SLC7A11: variants seen among roughly 807,000 people sequenced by gnomAD.
SLC7A11 encodes the protein solute carrier family 7 member 11.
In SLC7A11, 35 loss-of-function variants were observed where a neutral mutation model predicts 54.5. That is an observed-to-expected ratio of 0.64 (90% CI 0.49 to 0.85). The LOEUF (loss-of-function observed/expected upper bound fraction) is 0.85. Among genes scored for constraint, SLC7A11 ranks in the 40% least tolerant of loss-of-function variants. The pLI is 0.00. For missense variants in SLC7A11, 583 were observed against 618.1 expected, an observed-to-expected ratio of 0.94 and a Z score of 0.60; for synonymous variants, 230 against 225.2, an observed-to-expected ratio of 1.02 and a Z score of -0.19.
chr4:138,165,960 TAAGA>T lies in SLC7A11; in HGVS notation c.*5992_*5995del, dbSNP rs1736244958. The T allele has an allele frequency of 6.6e-6, 1 of 152,178 alleles. No homozygotes were observed. Among genetic ancestry groups the T allele is most frequent in the African/African-American group, 2.4e-5 (1 of 41,460 alleles). 9.4% of individuals were successfully genotyped at this position (152,178 alleles called of 1,614,324 possible). On this transcript the variant is annotated 3_prime_UTR_variant, in exon 12 of 12. Coordinates refer to ENST00000280612, the MANE Select transcript of SLC7A11 (RefSeq NM_014331.4). Reference sequence around the variant, plus strand: ...CATTGCTTTTCTTCTTTCAGAGCAATAAGAAAGTTATTTGGGGTAGTACTTGAAA... The same window carrying T: ...CATTGCTTTTCTTCTTTCAGAGCAATAAGTTATTTGGGGTAGTACTTGAAA...
intron 11 of SLC7A11, chr4:138,177,277 G>A (rs1260959845): frequency 6.6e-6 from 1 of 151,532 alleles, no homozygotes; most frequent in Non-Finnish European, 1.5e-5. Context: ...ACTTTTAACT[G>A]GAATTTAAAA....
In SLC7A11 at chr4:138,166,734, A is replaced by G. The variant is rs1028790134; in HGVS notation, c.*5222T>C. On this transcript the variant is annotated 3_prime_UTR_variant, in exon 12 of 12. Coordinates refer to ENST00000280612, the MANE Select transcript of SLC7A11 (RefSeq NM_014331.4). ...AAGTACGCTGAAACACACACATGTAACAGCTATTAGGACACTGTAACCGTC... is the reference window on the plus strand; with the variant it reads ...AAGTACGCTGAAACACACACATGTAGCAGCTATTAGGACACTGTAACCGTC... 11 of 152,450 alleles carry G rather than the reference A, an allele frequency of 7.2e-5. No homozygotes were observed. The highest frequency in any genetic ancestry group is 6.5e-4 in the Admixed American group (10 of 15,274). The allele number at this position is 152,450 out of a possible 1,614,324, so 9.4% of individuals were successfully genotyped here.
intron 6 of SLC7A11, among the ~76,000 whole-genome samples, chr4:138,199,504 T>C (rs948256091): frequency 3.9e-5 from 6 of 152,060 alleles, no homozygotes; most frequent in Non-Finnish European, 7.4e-5. Context: ...CATTTAAAAA[T>C]AGAATAAACA....
In SLC7A11 at chr4:138,170,530, G is replaced by A. The variant is rs1163114413; in HGVS notation, c.*1426C>T. 1.3e-5 allele frequency: 2 copies of A among 151,486 alleles called. No homozygotes were observed. The highest frequency in any genetic ancestry group is 4.9e-5 in the African/African-American group (2 of 41,180). 9.4% of individuals were successfully genotyped at this position (151,486 alleles called of 1,614,324 possible). On this transcript the variant is annotated 3_prime_UTR_variant, in exon 12 of 12. Coordinates refer to ENST00000280612, the MANE Select transcript of SLC7A11 (RefSeq NM_014331.4). ...GGGGTTTCTCCATGTTGGTCAGGCTGGTCTAGAACTCCCGACCTCAGGTGA... is the reference window on the plus strand; with the variant it reads ...GGGGTTTCTCCATGTTGGTCAGGCTAGTCTAGAACTCCCGACCTCAGGTGA...
chr4:138,241,961 T>C lies in SLC7A11; in HGVS notation c.109A>G (p.Lys37Glu), dbSNP rs766688436. The C allele has an allele frequency of 8.7e-6, 14 of 1,614,010 alleles. No homozygotes were observed. In the Admixed American group the frequency reaches 2.3e-4, roughly 27 times the overall value. Reference sequence around the variant, plus strand: ...GTGACTTTCCTCTTCAGCTGCACTTTCTCCTGCCCAGGTGGCTCCTTGTTG... The same window carrying C: ...GTGACTTTCCTCTTCAGCTGCACTTCCTCCTGCCCAGGTGGCTCCTTGTTG... The part of the protein sequence containing the change: ...LGNKEPPGQE[K>E]VQLKRKVTLL... Residue 37 changes from lysine (K) to glutamate (E), a missense_variant, in exon 1 of 12, where the codon AAA becomes GAA. Transcript: ENST00000280612.
At chr4:138,215,625 TATAA>T (rs1301321158) in intron 5 of SLC7A11, among the ~76,000 whole-genome samples, 2 of 152,164 alleles carry the variant, frequency 1.3e-5, no homozygotes, top group Non-Finnish European at 2.9e-5. Context: ...AATAAGTTTC[TATAA>T]ATAGAGATTG....
rs577927609 is a variant in SLC7A11 at position 138,195,147 on chromosome 4, T to C, written c.792-9903A>G. 2.0e-5 allele frequency among the ~76,000 whole-genome samples: 3 copies of C among 152,266 alleles called. No homozygotes were observed. In the East Asian group the frequency reaches 5.8e-4, roughly 29 times the overall value. ...GAAAAATAATGATCATTACAGAAGA[T>C]CATTTAAAGGATAAGTGATCTGTTC... On this transcript the variant is annotated intron_variant, in intron 6 of 11. Transcript: ENST00000280612.
At chr4:138,179,597 T>C (rs137992055) in intron 10 of SLC7A11, among the ~76,000 whole-genome samples, 302 of 152,296 alleles carry the variant, frequency 2.0e-3, no homozygotes, top group South Asian at 4.3e-3. Context: ...TTAAATGTAA[T>C]TCAACTTAAT....
chr4:138,189,445 G>C (rs1222053083), intron 6 of SLC7A11, among the ~76,000 whole-genome samples: 1 of 152,080 alleles, frequency 6.6e-6, no homozygotes, highest in Admixed American at 6.6e-5. Context: ...CGGGAGGGCT[G>C]GAACCAGAAC....
chr4:138,189,908 C>G (rs150250304), intron 6 of SLC7A11, among the ~76,000 whole-genome samples: 7 of 152,130 alleles, frequency 4.6e-5, no homozygotes, highest in African/African-American at 1.7e-4. Flanking sequence ...TTCTGACATT[C>G]AGCCCACATG....
chr4:138,232,558 G>A (rs531219642), intron 2 of SLC7A11, among the ~76,000 whole-genome samples, 176 bp from the exon 3 acceptor site: 1 of 152,302 alleles, frequency 6.6e-6, no homozygotes, highest in East Asian at 1.9e-4. Flanking sequence ...AGTACTTCCT[G>A]TAACACTGGT....
In SLC7A11 at chr4:138,225,171, T is replaced by TATATATATATATATAA. The variant is rs1491164718; in HGVS notation, c.521-1848_521-1847insTTATATATATATATAT. 1.1e-4 allele frequency among the ~76,000 whole-genome samples: 15 copies of TATATATATATATATAA among 131,476 alleles called. No homozygotes were observed. In the East Asian group the frequency reaches 3.2e-3, roughly 28 times the overall value. 86.3% of individuals were successfully genotyped at this position (131,476 alleles called of 152,430 possible). On this transcript the variant is annotated intron_variant, in intron 3 of 11. Coordinates refer to ENST00000280612, the MANE Select transcript of SLC7A11 (RefSeq NM_014331.4). ...ATATATATATATATATATATATATA[T>TATATATATATATATAA]AAATAAAATCATTACATTGTACACC...
Position 138,228,271 on chromosome 4 carries a change from A to G in SLC7A11, c.520+3996T>C, listed in dbSNP as rs1203222177. 2.0e-5 allele frequency among the ~76,000 whole-genome samples: 3 copies of G among 152,126 alleles called. No individual in the cohort carries two copies. In the East Asian group the frequency reaches 5.8e-4, roughly 29 times the overall value. On this transcript the variant is annotated intron_variant, in intron 3 of 11. Transcript: ENST00000280612. ...CATCCAACAATTGATGGTGTTAGGG[A>G]TGGATCTGGGACTAGATCTCGTATC...
chr4:138,180,867 A>T, intron 9 of SLC7A11, 77 bp from the exon 10 acceptor site: 1 of 1,263,078 alleles, frequency 7.9e-7, no homozygotes, highest in Non-Finnish European at 1.1e-6. Context: ...CTCACTATGC[A>T]TTACGACCTT....
chr4:138,240,234 G>A lies in SLC7A11; in HGVS notation c.277+1559C>T, dbSNP rs549397388. On this transcript the variant is annotated intron_variant, in intron 1 of 11. Transcript: ENST00000280612. Reference sequence around the variant, plus strand: ...CTCTATAAATCTTTCTATACTACTTGTTTTAACAAGTTCTATTTAAAATAA... The same window carrying A: ...CTCTATAAATCTTTCTATACTACTTATTTTAACAAGTTCTATTTAAAATAA... Among the ~76,000 whole-genome samples the A allele has an allele frequency of 1.5e-4, 23 of 152,136 alleles. No individual in the cohort carries two copies. The East Asian group carries it at 4.2e-3, about 28-fold the overall frequency.
chr4:138,223,284 G>T lies in SLC7A11; in HGVS notation c.561C>A (p.Ser187Arg). 1.2e-6 allele frequency: 2 copies of T among 1,613,522 alleles called. No homozygotes were observed. The highest frequency in any genetic ancestry group is 1.7e-6 in the Non-Finnish European group (2 of 1,179,520). ...MVLNSMSVSW[S>R]ARIQIFLTFC... is the part of the protein sequence containing the mutation. ...AGGTTAAGAAAATCTGGATCCGGGC[G>T]CTCCAGCTGACACTCATGCTATTTA... The change falls in exon 4 of 12, where the codon AGC becomes AGA. Residue 187 changes from serine to arginine, a missense_variant. Ser to Arg is a moderately radical substitution (Grantham distance 110). Transcript: ENST00000280612.
chr4:138,207,335 TTA>T (rs1737433649), intron 6 of SLC7A11, among the ~76,000 whole-genome samples: 1 of 152,048 alleles, frequency 6.6e-6, no homozygotes, highest in African/African-American at 2.4e-5. Context: ...AGTTACAATA[TTA>T]TATGTTATTT....
chr4:138,219,546 G>T (rs1017289801), intron 4 of SLC7A11, among the ~76,000 whole-genome samples, 181 bp from the exon 5 acceptor site: 3 of 152,056 alleles, frequency 2.0e-5, no homozygotes, highest in Admixed American at 1.3e-4. Flanking sequence ...AAAGTATATT[G>T]ATCATTAACA....
intron 9 of SLC7A11, 116 bp from the exon 10 acceptor site, chr4:138,180,906 T>G (rs531633341): frequency 2.2e-6 from 2 of 925,966 alleles, no homozygotes; most frequent in African/African-American, 3.4e-5. Context: ...ACCGATAAAT[T>G]ATCATCATAG....
Sources: allele counts gnomAD v4.1 joint callset (sites outside exome capture counted in the v4.1 genomes callset), GRCh38; gene constraint gnomAD v4.1.1; transcripts MANE v1.5; gene names NCBI Gene and HGNC (gene_info 2026-07-23, HGNC 2026-07-21).